ZBTB8A: variants seen among roughly 807,000 people sequenced by gnomAD.
The protein encoded by ZBTB8A is zinc finger and BTB domain containing 8A.
In ZBTB8A, 19 loss-of-function variants were observed where a neutral mutation model predicts 37.8. The observed-to-expected ratio is 0.50, with a 90% CI of 0.35 to 0.74. The LOEUF (loss-of-function observed/expected upper bound fraction) is 0.74. Ranked by LOEUF, ZBTB8A falls within the 30% of genes least tolerant of loss-of-function variation. The pLI, the probability that ZBTB8A is intolerant of heterozygous loss-of-function variation, is 0.01. For synonymous variants in ZBTB8A, 181 were observed against 185.2 expected (o/e 0.98, Z 0.19); for missense variants, 394 against 537.8 (o/e 0.73, Z 2.65).
chr1:32,549,145 G>A (rs976350830), intron 1 of ZBTB8A, among the ~76,000 whole-genome samples: 11 of 151,602 alleles, frequency 7.3e-5, no homozygotes, highest in South Asian at 2.1e-4. Context: ...CCGAGATCAC[G>A]TCACTGCACT....
intron 4 of ZBTB8A, among the ~76,000 whole-genome samples, chr1:32,598,217 T>C (rs1434219637): frequency 4.0e-5 from 6 of 150,736 alleles, no homozygotes; most frequent in Non-Finnish European, 7.4e-5. Flanking sequence ...GTATTAGCTT[T>C]CTTGGATTTT....
chr1:32,594,371 T>C (rs1644513295), intron 3 of ZBTB8A, among the ~76,000 whole-genome samples: 1 of 152,186 alleles, frequency 6.6e-6, no homozygotes, highest in South Asian at 2.1e-4. Flanking sequence ...TGTTTAAAGC[T>C]CTTTTCTAAA....
intron 1 of ZBTB8A, among the ~76,000 whole-genome samples, chr1:32,549,424 G>A (rs1173276247): frequency 6.6e-6 from 1 of 151,712 alleles, no homozygotes. Flanking sequence ...AACCCAAGAG[G>A]TAGAGGTTGC....
chr1:32,571,305 C>T (rs969001191), intron 2 of ZBTB8A, among the ~76,000 whole-genome samples: 1 of 152,226 alleles, frequency 6.6e-6, no homozygotes, highest in African/African-American at 2.4e-5. Flanking sequence ...TTTGATCTTT[C>T]ACAGTTAAGT....
At chr1:32,582,691 T>G (rs1417660009) in intron 2 of ZBTB8A, among the ~76,000 whole-genome samples, 2 of 152,134 alleles carry the variant, frequency 1.3e-5, no homozygotes, top group Non-Finnish European at 2.9e-5. Context: ...GGCATTGATT[T>G]AATGCTTCTG....
intron 1 of ZBTB8A, among the ~76,000 whole-genome samples, chr1:32,549,523 C>T (rs1644134174): frequency 6.6e-6 from 1 of 152,002 alleles, no homozygotes; most frequent in Admixed American, 6.6e-5. Context: ...CCCAACAGGC[C>T]CCCCAGGGAG....
intron 2 of ZBTB8A, among the ~76,000 whole-genome samples, chr1:32,564,813 A>G (rs1644267133): frequency 6.6e-6 from 1 of 152,174 alleles, no homozygotes; most frequent in African/African-American, 2.4e-5. Flanking sequence ...CATGTAGTAT[A>G]TCATTTAACT....
Position 32,600,319 on chromosome 1 carries a change from A to C in ZBTB8A, c.1226A>C (p.Tyr409Ser). 6.2e-7 allele frequency: 1 copy of C among 1,614,110 alleles called. No individual in the cohort carries two copies. The highest frequency in any genetic ancestry group is 1.1e-5 in the South Asian group (1 of 91,080). Residue 409 changes from tyrosine (Y) to serine (S), a missense_variant, in exon 5 of 5, where the codon TAT (tyrosine) becomes TCT (serine). Physicochemically the swap from Tyr to Ser is moderately radical, Grantham distance 144. This residue lies in a region of ZBTB8A where 85 missense variants were observed against 89.0 expected (regional missense o/e 0.95). Transcript: ENST00000373510. ...TTGAGTGAAGATGAGAATAGATCCT[A>C]TGTGGAGATTGTAGAAGATGGGTCT... is the stretch of plus-strand genomic sequence containing the variant. ...WHLSEDENRS[Y>S]VEIVEDGSAD... is the part of the protein sequence containing the mutation.
chr1:32,552,130 G>A (rs560964006), intron 1 of ZBTB8A, among the ~76,000 whole-genome samples: 2 of 152,128 alleles, frequency 1.3e-5, no homozygotes, highest in Admixed American at 6.5e-5. Context: ...TTTGGAGGCC[G>A]AAGTGGGGGG....
chr1:32,540,125 G>A (rs930966084), intron 1 of ZBTB8A, among the ~76,000 whole-genome samples: 8 of 152,124 alleles, frequency 5.3e-5, no homozygotes, highest in Non-Finnish European at 1.2e-4. Context: ...AGAACCGAGG[G>A]CGAACTCACC....
At chr1:32,546,676 A>G (rs992889707) in intron 1 of ZBTB8A, among the ~76,000 whole-genome samples, 1 of 152,122 alleles carries the variant, frequency 6.6e-6, no homozygotes. Flanking sequence ...GTTCAGAACA[A>G]TGTAAAATTA....
chr1:32,598,200 C>T (rs1365154184), intron 4 of ZBTB8A, among the ~76,000 whole-genome samples: 1 of 150,012 alleles, frequency 6.7e-6, no homozygotes, highest in Non-Finnish European at 1.5e-5. Flanking sequence ...ACATATTTTA[C>T]CAGACTGTAT....
chr1:32,594,548 G>GC (rs1644515051), intron 3 of ZBTB8A, among the ~76,000 whole-genome samples: 3 of 152,080 alleles, frequency 2.0e-5, no homozygotes, highest in Admixed American at 2.0e-4. Flanking sequence ...AGATCATGAG[G>GC]TCAGGAGTTC....
intron 2 of ZBTB8A, among the ~76,000 whole-genome samples, chr1:32,555,454 G>C (rs951445662): frequency 6.6e-6 from 1 of 152,182 alleles, no homozygotes; most frequent in Admixed American, 6.6e-5. Context: ...AGACAATGCA[G>C]GTAGCTGCTT....
chr1:32,593,149 C>T lies in ZBTB8A; in HGVS notation c.218C>T (p.Pro73Leu). 3.1e-6 allele frequency: 5 copies of T among 1,614,212 alleles called. No homozygotes were observed. The highest frequency in any genetic ancestry group is 2.2e-5 in the South Asian group (2 of 91,082). Residue 73 changes from proline to leucine, a missense_variant, in exon 3 of 5, where the codon CCT becomes CTT. Pro to Leu is a moderately conservative substitution (Grantham distance 98). Around this residue, in one of 4 missense-constraint regions of ZBTB8A, gnomAD observed 96 missense variants for 165.6 expected, o/e 0.58. Coordinates refer to ENST00000373510, the MANE Select transcript of ZBTB8A (RefSeq NM_001040441.3). ...ACAGCTACATTTCAGGCTTTCTCCC[C>T]TGACACTTTTACAGTTATCTTGGAC... is the stretch of plus-strand genomic sequence containing the variant. ...PTTATFQAFS[P>L]DTFTVILDFV...
chr1:32,595,515 C>T (rs1446152111), intron 4 of ZBTB8A, among the ~76,000 whole-genome samples: 1 of 151,792 alleles, frequency 6.6e-6, no homozygotes, highest in Admixed American at 6.6e-5. Flanking sequence ...GATTCACCTG[C>T]CTCAGCCTCC....
chr1:32,542,566 T>C (rs971767270), intron 1 of ZBTB8A, among the ~76,000 whole-genome samples: 1 of 152,076 alleles, frequency 6.6e-6, no homozygotes, highest in African/African-American at 2.4e-5. Context: ...AGAGCAAGAC[T>C]CCGTCTCAAA....
intron 4 of ZBTB8A, among the ~76,000 whole-genome samples, chr1:32,599,596 A>G (rs1018178578): frequency 8.5e-5 from 13 of 152,056 alleles, no homozygotes; most frequent in Non-Finnish European, 1.9e-4. Flanking sequence ...ACGTGCCTGT[A>G]ATACCAGCTA....
At chr1:32,597,737 A>G (rs1644543899) in intron 4 of ZBTB8A, among the ~76,000 whole-genome samples, 1 of 151,994 alleles carries the variant, frequency 6.6e-6, no homozygotes, top group Non-Finnish European at 1.5e-5. Flanking sequence ...TTTGATACCC[A>G]TAGTTTTGTT....
Sources: gnomAD v4.1 joint callset for allele counts (sites outside exome capture counted in the v4.1 genomes callset) on GRCh38, gnomAD v4.1.1 for gene constraint, gnomAD v4.1.1 regional missense constraint, MANE v1.5 for transcripts, NCBI Gene and HGNC (gene_info 2026-07-23, HGNC 2026-07-21) for gene names.